The following XYLT2 variants were observed in gnomAD, a reference collection of about 807,000 sequenced individuals.
The protein encoded by XYLT2 is UDP-D-xylose:proteoglycan core protein beta-D-xylosyltransferase.
Under a neutral mutation model 82.6 loss-of-function variants are expected in XYLT2, and 37 were observed. The ratio of observed to expected loss-of-function variants is 0.45; its 90% CI spans 0.34 to 0.59. XYLT2 has a LOEUF of 0.59. Among genes scored for constraint, XYLT2 ranks in the 20% least tolerant of loss-of-function variants. The pLI, the probability that XYLT2 is intolerant of heterozygous loss-of-function variation, is 0.01. For missense variants in XYLT2, 934 were observed against 1,181.3 expected (o/e 0.79, Z 3.07); for synonymous variants, 474 against 499.0 (o/e 0.95, Z 0.67).
chr17:50,359,947 A>C, intron 10 of XYLT2, 22 bp from the exon 11 acceptor site: 1 of 1,546,582 alleles, frequency 6.5e-7, no homozygotes, highest in Non-Finnish European at 8.8e-7. Flanking sequence ...GGGTGTGCTT[A>C]CTGCCTGCTC....
Position 50,347,088 on chromosome 17 carries a change from C to T in XYLT2, c.135+813C>T, listed in dbSNP as rs189185396. Reference sequence around the variant, plus strand: ...CTCGAGGGTCTTTCTCCCTCTTCCCCGATGTGGTTTCAGCGGGAGGCTCAG... The same window carrying T: ...CTCGAGGGTCTTTCTCCCTCTTCCCTGATGTGGTTTCAGCGGGAGGCTCAG... On this transcript the variant is annotated intron_variant, in intron 1 of 10. Coordinates refer to ENST00000017003, the MANE Select transcript of XYLT2 (RefSeq NM_022167.4). Among the ~76,000 whole-genome samples the T allele has an allele frequency of 1.1e-3, 160 of 152,270 alleles. 4 individuals are homozygous for T. The highest frequency in any genetic ancestry group is 0.01 in the Admixed American group (159 of 15,296).
rs1300830905 is a variant in XYLT2, at chr17:50,360,579, T to TC, written c.*288_*289insC. On this transcript the variant is annotated 3_prime_UTR_variant, in exon 11 of 11. Transcript: ENST00000017003. ...TTGAATTTCTTTTTTTTCTTTTTTT[T>TC]TTTTTTTTTTTAATTTAAAAAGGAA... 93 of 1,167,992 alleles carry TC rather than the reference T, an allele frequency of 8.0e-5. No homozygotes were observed. In the South Asian group the frequency reaches 9.7e-4, roughly 12 times the overall value. The allele number at this position is 1,167,992 out of a possible 1,614,324, so 72.4% of individuals were successfully genotyped here. A position where few individuals can be genotyped will look rare whatever the true frequency, so the allele number is the denominator to read the frequency against.
intron 1 of XYLT2, among the ~76,000 whole-genome samples, chr17:50,350,552 G>T (rs2143196761): frequency 6.6e-6 from 1 of 151,342 alleles, no homozygotes; most frequent in East Asian, 2.0e-4. Flanking sequence ...GGGCAATAGA[G>T]TGAGACTGCC....
rs1912044549 is a variant in XYLT2, at chr17:50,346,414, G to T, written c.135+139G>T. The T allele has an allele frequency of 1.1e-6, 1 of 948,114 alleles. No individual in the cohort carries two copies. The highest frequency in any genetic ancestry group is 6.2e-5 in the Admixed American group (1 of 16,238). 58.7% of individuals were successfully genotyped at this position (948,114 alleles called of 1,614,324 possible). On this transcript the variant is annotated intron_variant, in intron 1 of 10. Transcript: ENST00000017003. The surrounding 1 kb of genome is among the most constrained non-coding windows in gnomAD (Gnocchi z 5.1). ...CGGGGCGCCGGCGGTCGCCCAGAGC[G>T]GAGCATCCGGCCCCCGGCACTCCCT...
chr17:50,358,258 T>C lies in XYLT2; in HGVS notation c.1993T>C (p.Leu665=). 1.2e-6 allele frequency: 2 copies of C among 1,611,990 alleles called. No homozygotes were observed. Among genetic ancestry groups the C allele is most frequent in the Non-Finnish European group, 1.7e-6 (2 of 1,178,968 alleles). ...KERLFRNFGG[L]LGPLDEPVAV... ...GCGTCTTTTCCGGAACTTTGGGGGGTTACTGGGGCCGCTGGACGAGCCTGT... is the reference window on the plus strand; with the variant it reads ...GCGTCTTTTCCGGAACTTTGGGGGGCTACTGGGGCCGCTGGACGAGCCTGT... Residue 665 remains leucine, a synonymous_variant, in exon 10 of 11, where the codon TTA becomes CTA. Coordinates refer to ENST00000017003, the MANE Select transcript of XYLT2 (RefSeq NM_022167.4).
rs1365336212 is a variant in XYLT2, at chr17:50,350,429, T to G, written c.136-3201T>G. Among the ~76,000 whole-genome samples, 2 of 112,046 alleles carry G rather than the reference T, an allele frequency of 1.8e-5. 1 individual carries two copies. Among genetic ancestry groups the G allele is most frequent in the Non-Finnish European group, 3.8e-5 (2 of 52,774 alleles). The allele number at this position is 112,046 out of a possible 152,430, so 73.5% of individuals were successfully genotyped here. On this transcript the variant is annotated intron_variant, in intron 1 of 10. Transcript: ENST00000017003. Reference sequence around the variant, plus strand: ...AAAAATACAAAAAATTAGCCAGGCATGGTGGTGCGAACCTGTAATCCCGGC... The same window carrying G: ...AAAAATACAAAAAATTAGCCAGGCAGGGTGGTGCGAACCTGTAATCCCGGC...
intron 1 of XYLT2, among the ~76,000 whole-genome samples, chr17:50,353,121 G>A (rs1180030152): frequency 6.6e-6 from 1 of 152,124 alleles, no homozygotes; most frequent in African/African-American, 2.4e-5. Flanking sequence ...TCCCCCATGG[G>A]CACTCCTCCT....
At chr17:50,355,467 C>T (rs781387042) in intron 4 of XYLT2, 34 bp from the exon 5 acceptor site, 2 of 1,606,558 alleles carry the variant, frequency 1.2e-6, no homozygotes, top group Non-Finnish European at 1.7e-6. Flanking sequence ...GCAACTATCT[C>T]ATGTGGCTGC....
At chr17:50,356,022 G>A in intron 6 of XYLT2, 25 bp downstream of exon 6, 1 of 1,614,198 alleles carries the variant, frequency 6.2e-7, no homozygotes, top group Non-Finnish European at 8.5e-7. Flanking sequence ...AGGCATGAAG[G>A]CCAGGGAGGG....
Position 50,355,968 on chromosome 17 carries a change from T to C in XYLT2, c.1276T>C (p.Phe426Leu). ...DDPLVAQLRQ[F>L]YTYTLLPAES... ...CCCGCTTGTGGCCCAGCTGCGCCAGTTCTACACATACACACTGCTCCCAGC... is the reference window on the plus strand; with the variant it reads ...CCCGCTTGTGGCCCAGCTGCGCCAGCTCTACACATACACACTGCTCCCAGC... The change falls in exon 6 of 11, where the codon TTC becomes CTC. Residue 426 changes from phenylalanine (F) to leucine (L), a missense_variant. Physicochemically the swap from Phe to Leu is conservative, Grantham distance 22. Transcript: ENST00000017003. 3 of 1,613,970 alleles carry C rather than the reference T, an allele frequency of 1.9e-6. No individual in the cohort carries two copies. Among genetic ancestry groups the C allele is most frequent in the Non-Finnish European group, 2.5e-6 (3 of 1,179,952 alleles).
chr17:50,354,212 A>C, intron 2 of XYLT2, 90 bp downstream of exon 2: 1 of 1,574,140 alleles, frequency 6.4e-7, no homozygotes, highest in Non-Finnish European at 8.6e-7. Context: ...TGAGGAAGAA[A>C]GAGCCAAGGG....
intron 8 of XYLT2, 28 bp downstream of exon 8, chr17:50,356,801 G>A (rs1220264584): frequency 2.5e-6 from 4 of 1,583,468 alleles, no homozygotes; most frequent in African/African-American, 2.7e-5. Flanking sequence ...CATACAGCAG[G>A]CCCTTGGGGT....
Position 50,356,551 on chromosome 17 carries a change from C to T in XYLT2, c.1523C>T (p.Ser508Leu), listed in dbSNP as rs769118139. 1.2e-6 allele frequency: 2 copies of T among 1,614,004 alleles called. No individual in the cohort carries two copies. The highest frequency in any genetic ancestry group is 1.3e-5 in the African/African-American group (1 of 74,904). The change falls in exon 8 of 11, where the codon TCG becomes TTG. Residue 508 changes from serine (S) to leucine (L), a missense_variant. By Grantham distance (145) the Ser-to-Leu change is moderately radical. This residue lies in a region of XYLT2 where 189 missense variants were observed against 320.8 expected (regional missense o/e 0.59). Transcript: ENST00000017003. ...RPTFFARKFE[S>L]TVNQEVLEIL... ...ACCTTCTTCGCCCGGAAGTTCGAGT[C>T]GACTGTGAACCAGGAGGTGCTGGAA...
At chr17:50,349,367 G>T (rs532743719) in intron 1 of XYLT2, among the ~76,000 whole-genome samples, 1 of 152,072 alleles carries the variant, frequency 6.6e-6, no homozygotes, top group Non-Finnish European at 1.5e-5. Context: ...CCCAGTGTGG[G>T]TAGAGAATAG....
rs1361887771 is a variant in XYLT2 at position 50,358,386 on chromosome 17, G to A, written c.2121G>A (p.Thr707=). Residue 707 remains threonine (T), a synonymous_variant, in exon 10 of 11, where the codon ACG becomes ACA. Transcript: ENST00000017003. ...CATCTTATGACATCACAGTAGATAC[G>A]GAGACTGAGGTCACGCAATACAAGC... ...VATSYDITVD[T]ETEVTQYKPP... 3.7e-6 allele frequency: 6 copies of A among 1,614,110 alleles called. No individual in the cohort carries two copies. The highest frequency in any genetic ancestry group is 1.3e-5 in the African/African-American group (1 of 75,056).
intron 1 of XYLT2, among the ~76,000 whole-genome samples, chr17:50,350,025 A>G (rs1045124142): frequency 6.7e-6 from 1 of 149,316 alleles, no homozygotes; most frequent in African/African-American, 2.4e-5. Context: ...TTTACTAAAA[A>G]TACAAAAAGT....
chr17:50,349,333 G>A (rs1012470779), intron 1 of XYLT2, among the ~76,000 whole-genome samples: 6 of 152,174 alleles, frequency 3.9e-5, no homozygotes, highest in Admixed American at 2.0e-4. Flanking sequence ...CTTTCCTAGG[G>A]ATTCCCCAGC....
rs776115404 is a variant in XYLT2 at position 50,353,813 on chromosome 17, C to T, written c.319C>T (p.Arg107Trp). ...AGTAACCAGCCGGCAGAGAGCCAGC[C>T]GGCGGGTCCCACCTGCCCCACCCCC... ...RAVTSRQRASRRVPPAPPPEA... is the reference protein window; with the variant it reads ...RAVTSRQRASWRVPPAPPPEA... The change falls in exon 2 of 11, where the codon CGG (arginine) becomes TGG (tryptophan). Residue 107 changes from arginine (R) to tryptophan (W), a missense_variant. Physicochemically the swap from Arg to Trp is moderately radical, Grantham distance 101. Coordinates refer to ENST00000017003, the MANE Select transcript of XYLT2 (RefSeq NM_022167.4). The T allele has an allele frequency of 3.1e-5, 49 of 1,574,362 alleles. No homozygotes were observed. Among genetic ancestry groups the T allele is most frequent in the East Asian group, 4.7e-5 (2 of 42,598 alleles).
At position 50,346,723 on chromosome 17, in the gene XYLT2, C is replaced by G. The variant is rs1020470243; in HGVS notation, c.135+448C>G. ...GGCCAAGGGACTCAGGGCGTCCTTCCCCAGCTGAGCCCGAGGGGCAGCGGC... is the reference window on the plus strand; with the variant it reads ...GGCCAAGGGACTCAGGGCGTCCTTCGCCAGCTGAGCCCGAGGGGCAGCGGC... On this transcript the variant is annotated intron_variant, in intron 1 of 10. Transcript: ENST00000017003. The surrounding 1 kb of genome is among the most constrained non-coding windows in gnomAD (Gnocchi z 5.1). The G allele has an allele frequency of 2.0e-6, 2 of 985,250 alleles. No individual in the cohort carries two copies. The highest frequency in any genetic ancestry group is 1.7e-5 in the African/African-American group (1 of 57,218). The allele number at this position is 985,250 out of a possible 1,614,324, so 61.0% of individuals were successfully genotyped here.
Sources: allele counts gnomAD v4.1 joint callset (sites outside exome capture counted in the v4.1 genomes callset), GRCh38; gene constraint gnomAD v4.1.1; regional missense constraint gnomAD v4.1.1; non-coding constraint Gnocchi (gnomAD v3.1); transcripts MANE v1.5; gene names NCBI Gene and HGNC (gene_info 2026-07-23, HGNC 2026-07-21).